KCNB2: variants seen among roughly 807,000 people sequenced by gnomAD.
KCNB2 encodes delayed rectifier potassium channel protein.
In KCNB2, 15 loss-of-function variants were observed where a neutral mutation model predicts 61.5. The ratio of observed to expected loss-of-function variants is 0.24; its 90% CI spans 0.16 to 0.38. The LOEUF (loss-of-function observed/expected upper bound fraction) is 0.38, where lower values mean the gene tolerates loss of function less well. KCNB2 is among the 10% of genes least tolerant of loss of function. The pLI is 1.00. For missense variants in KCNB2, 828 were observed against 1,125.2 expected (o/e 0.74, Z 3.78); for synonymous variants, 457 against 446.0 (o/e 1.02, Z -0.31).
At chr8:72,644,730 TTTC>T (rs1806104204) in intron 2 of KCNB2, among the ~76,000 whole-genome samples, 1 of 152,134 alleles carries the variant, frequency 6.6e-6, no homozygotes, top group African/African-American at 2.4e-5. Context: ...TGAGTACAAC[TTTC>T]CCTGTGCCAG....
chr8:72,548,148 A>G (rs1450338386), intron 1 of KCNB2, among the ~76,000 whole-genome samples: 2 of 152,230 alleles, frequency 1.3e-5, no homozygotes, highest in East Asian at 1.9e-4. Flanking sequence ...ATAAAATACT[A>G]CAGTATTTTA....
chr8:72,866,206 T>G (rs946078283), intron 2 of KCNB2, among the ~76,000 whole-genome samples: 1 of 152,222 alleles, frequency 6.6e-6, no homozygotes, highest in African/African-American at 2.4e-5. Flanking sequence ...GTGTTACTCC[T>G]GGAACACACT....
chr8:72,611,689 T>G (rs1324956262), intron 2 of KCNB2, among the ~76,000 whole-genome samples: 2 of 152,234 alleles, frequency 1.3e-5, no homozygotes, highest in Non-Finnish European at 2.9e-5. Flanking sequence ...GGATACCTTC[T>G]ATTTCATAGC....
chr8:72,777,006 C>T (rs1808667177), intron 2 of KCNB2, among the ~76,000 whole-genome samples: 1 of 151,978 alleles, frequency 6.6e-6, no homozygotes, highest in African/African-American at 2.4e-5. Context: ...GAATAGTCCC[C>T]CAGAAAATAC....
rs997351531 is a variant in KCNB2 at position 72,936,288 on chromosome 8, C to T, written c.933C>T (p.Ile311=). The T allele has an allele frequency of 6.2e-7, 1 of 1,614,110 alleles. No individual in the cohort carries two copies. Among genetic ancestry groups the T allele is most frequent in the Non-Finnish European group, 8.5e-7 (1 of 1,180,038 alleles). Residue 311 remains isoleucine (I), a synonymous_variant, in exon 3 of 3, where the codon ATC becomes ATT. Coordinates refer to ENST00000523207, the MANE Select transcript of KCNB2 (RefSeq NM_004770.3). The surrounding 1 kb of genome is among the most constrained non-coding windows in gnomAD (Gnocchi z 5.6). ...TCCGAATCATGCGCATCCTCAGGAT[C>T]CTGAAACTCGCCAGGCATTCGACAG... The part of the protein sequence containing the change: ...QIFRIMRILR[I]LKLARHSTGL...
intron 2 of KCNB2, among the ~76,000 whole-genome samples, chr8:72,909,336 C>A (rs1415065357): frequency 6.6e-6 from 1 of 151,878 alleles, no homozygotes. Context: ...GGCAAAGGGA[C>A]CAAAGTATGC....
chr8:72,846,803 G>C (rs10087666), intron 2 of KCNB2, among the ~76,000 whole-genome samples: 129,823 of 151,866 alleles, frequency 0.85, 56,421 homozygotes, highest in Middle Eastern at 0.97. Flanking sequence ...CTTTTACACT[G>C]TTGGTGGGAC....
chr8:72,547,860 G>GTTAC (rs1315118672), intron 1 of KCNB2, among the ~76,000 whole-genome samples: 1 of 152,114 alleles, frequency 6.6e-6, no homozygotes, highest in Non-Finnish European at 1.5e-5. Flanking sequence ...TGCTAGTGTG[G>GTTAC]GTAAAATGCT....
chr8:72,636,143 C>T (rs543202044), intron 2 of KCNB2, among the ~76,000 whole-genome samples: 39 of 152,244 alleles, frequency 2.6e-4, no homozygotes, highest in African/African-American at 9.1e-4. Context: ...GGTTCAAATT[C>T]TGACTTTTTC....
At chr8:72,566,995 G>A (rs1054320549) in intron 1 of KCNB2, among the ~76,000 whole-genome samples, 1 of 152,024 alleles carries the variant, frequency 6.6e-6, no homozygotes, top group Non-Finnish European at 1.5e-5. Context: ...ACCTTGGTCA[G>A]TTTAGCTTAA....
chr8:72,559,941 AT>A (rs957150353), intron 1 of KCNB2, among the ~76,000 whole-genome samples: 5 of 152,162 alleles, frequency 3.3e-5, no homozygotes, highest in African/African-American at 1.2e-4. Flanking sequence ...AAAGATGTAA[AT>A]AAAGAAATTG....
intron 2 of KCNB2, among the ~76,000 whole-genome samples, chr8:72,624,079 C>G (rs549866415): frequency 2.6e-4 from 39 of 152,320 alleles, no homozygotes; most frequent in African/African-American, 9.1e-4. Context: ...ATGCCTCCTC[C>G]TCATTTCTCT....
intron 2 of KCNB2, among the ~76,000 whole-genome samples, chr8:72,917,446 G>T (rs1806423119): frequency 6.6e-6 from 1 of 152,130 alleles, no homozygotes; most frequent in African/African-American, 2.4e-5. Flanking sequence ...GTTATTAAAT[G>T]AACATATGGT....
At chr8:72,735,560 A>C (rs867567647) in intron 2 of KCNB2, among the ~76,000 whole-genome samples, 8 of 152,188 alleles carry the variant, frequency 5.3e-5, no homozygotes, top group Middle Eastern at 3.2e-3. Flanking sequence ...TACAATCGGC[A>C]AAAATTCAGA....
intron 2 of KCNB2, among the ~76,000 whole-genome samples, chr8:72,627,762 C>CAT (rs1434415952): frequency 1.3e-5 from 2 of 152,198 alleles, no homozygotes; most frequent in Non-Finnish European, 2.9e-5. Flanking sequence ...ACTCTCCTTC[C>CAT]ATACTTCATA....
chr8:72,648,786 A>G (rs759383925), intron 2 of KCNB2, among the ~76,000 whole-genome samples: 4 of 152,126 alleles, frequency 2.6e-5, no homozygotes, highest in African/African-American at 4.8e-5. Context: ...AAGAAATTAT[A>G]ATTCAGAAAT....
chr8:72,796,233 T>G (rs943526424), intron 2 of KCNB2, among the ~76,000 whole-genome samples: 1 of 152,186 alleles, frequency 6.6e-6, no homozygotes, highest in Non-Finnish European at 1.5e-5. Flanking sequence ...GCCGATGTGA[T>G]AGTCAGTGTT....
At chr8:72,543,395 G>A (rs576009463) in intron 1 of KCNB2, among the ~76,000 whole-genome samples, 15 of 152,226 alleles carry the variant, frequency 9.9e-5, no homozygotes, top group Admixed American at 9.2e-4. Flanking sequence ...GATAAACTTG[G>A]ATAAGATGAT....
intron 2 of KCNB2, among the ~76,000 whole-genome samples, chr8:72,863,532 T>G (rs1805452634): frequency 6.6e-6 from 1 of 152,204 alleles, no homozygotes; most frequent in South Asian, 2.1e-4. Context: ...CTATCAGCAG[T>G]GCTGTTTGAG....
Sources: allele counts gnomAD v4.1 joint callset (sites outside exome capture counted in the v4.1 genomes callset), GRCh38; gene constraint gnomAD v4.1.1; non-coding constraint Gnocchi (gnomAD v3.1); transcripts MANE v1.5; gene names NCBI Gene and HGNC (gene_info 2026-07-23, HGNC 2026-07-21).